The following ADGRL3 variants were observed in gnomAD, a reference collection of about 807,000 sequenced individuals.
ADGRL3 encodes calcium-independent alpha-latrotoxin receptor 3.
ADGRL3 carries 62 observed loss-of-function variants against 153.5 expected under a neutral mutation model. The observed-to-expected ratio is 0.40, with a 90% CI of 0.33 to 0.50. The LOEUF (loss-of-function observed/expected upper bound fraction) is 0.50, where lower values mean the gene tolerates loss of function less well. ADGRL3 is among the 20% of genes least tolerant of loss of function. The pLI is 0.47. For missense variants in ADGRL3, 1,641 were observed against 1,859.4 expected, an observed-to-expected ratio of 0.88 and a Z score of 2.16; for synonymous variants, 710 against 672.5, an observed-to-expected ratio of 1.06 and a Z score of -0.86.
At chr4:61,581,910 C>G (rs1463389650) in intron 4 of ADGRL3, among the ~76,000 whole-genome samples, 1 of 151,998 alleles carries the variant, frequency 6.6e-6, no homozygotes. Flanking sequence ...ACCATCTTTT[C>G]TTATCTTTAT....
chr4:61,346,307 C>T (rs1578365366), intron 1 of ADGRL3, among the ~76,000 whole-genome samples: 1 of 108,684 alleles, frequency 9.2e-6, no homozygotes, highest in Admixed American at 8.7e-5. Context: ...CTGTCACAGT[C>T]TACACACACA....
chr4:61,768,272 A>G lies in ADGRL3; in HGVS notation c.1399+34718A>G, dbSNP rs554109681. Among the ~76,000 whole-genome samples, 74 of 151,522 alleles carry G rather than the reference A, an allele frequency of 4.9e-4. 1 individual carries two copies. Among genetic ancestry groups the G allele is most frequent in the South Asian group, 1.3e-3 (6 of 4,750 alleles). On this transcript the variant is annotated intron_variant, in intron 8 of 26. Coordinates refer to ENST00000683033, the MANE Select transcript of ADGRL3 (RefSeq NM_001387552.1). Reference sequence around the variant, plus strand: ...CAGACCAGGTGTGAGGAGGGGAGGCAATAAAAAGATTACAGGGTGGAGGAG... The same window carrying G: ...CAGACCAGGTGTGAGGAGGGGAGGCGATAAAAAGATTACAGGGTGGAGGAG...
At chr4:61,872,200 T>C (rs1186400866) in intron 9 of ADGRL3, among the ~76,000 whole-genome samples, 3 of 152,240 alleles carry the variant, frequency 2.0e-5, no homozygotes, top group East Asian at 3.9e-4. Flanking sequence ...GATCATAGTG[T>C]GTGTCGGATG....
chr4:61,859,321 G>A (rs191182784), intron 9 of ADGRL3, among the ~76,000 whole-genome samples: 2 of 152,248 alleles, frequency 1.3e-5, no homozygotes, highest in African/African-American at 2.4e-5. Flanking sequence ...GAAGCTACAT[G>A]AAATACTTAG....
chr4:61,223,456 A>G lies in ADGRL3; in HGVS notation c.-240+21691A>G, dbSNP rs1746561039. On this transcript the variant is annotated intron_variant, in intron 1 of 26. Transcript: ENST00000683033. Reference sequence around the variant, plus strand: ...TCTTGTTTCAGTGACCTGAGGAATGAGAAGTGAAACAATACTCTCAGCTTC... The same window carrying G: ...TCTTGTTTCAGTGACCTGAGGAATGGGAAGTGAAACAATACTCTCAGCTTC... Among the ~76,000 whole-genome samples, 5 of 152,318 alleles carry G rather than the reference A, an allele frequency of 3.3e-5. No individual in the cohort carries two copies. The South Asian group carries it at 1.0e-3, about 32-fold the overall frequency.
intron 8 of ADGRL3, among the ~76,000 whole-genome samples, chr4:61,766,967 G>A (rs2096991082): frequency 6.6e-6 from 1 of 152,036 alleles, no homozygotes; most frequent in East Asian, 1.9e-4. Flanking sequence ...AGAGTTTATA[G>A]GCTTTAAAAG....
chr4:61,535,132 G>GT (rs1376675381), intron 4 of ADGRL3, among the ~76,000 whole-genome samples: 7 of 151,778 alleles, frequency 4.6e-5, no homozygotes, highest in African/African-American at 1.7e-4. Flanking sequence ...TTTGTTGAGG[G>GT]TTTTTTAAAA....
chr4:62,038,348 A>G (rs1213383649), intron 24 of ADGRL3, among the ~76,000 whole-genome samples: 3 of 152,222 alleles, frequency 2.0e-5, no homozygotes, highest in African/African-American at 7.2e-5. Flanking sequence ...GAATACTACA[A>G]CAGCATTATT....
At chr4:61,917,596 CA>C (rs1159008690) in intron 13 of ADGRL3, among the ~76,000 whole-genome samples, 2 of 152,192 alleles carry the variant, frequency 1.3e-5, no homozygotes, top group Non-Finnish European at 2.9e-5. Flanking sequence ...AGTTGCTCCA[CA>C]ACCTCACCAA....
intron 1 of ADGRL3, among the ~76,000 whole-genome samples, chr4:61,278,919 T>C (rs1464040607): frequency 1.3e-5 from 2 of 152,350 alleles, no homozygotes; most frequent in East Asian, 1.9e-4. Context: ...TAATTTTTAC[T>C]GTAGATTTTG....
At chr4:61,705,336 T>G (rs2095838645) in intron 6 of ADGRL3, among the ~76,000 whole-genome samples, 1 of 151,776 alleles carries the variant, frequency 6.6e-6, no homozygotes, top group African/African-American at 2.4e-5. Context: ...TTGAGGTGGC[T>G]AGGTATGTTC....
At chr4:61,769,831 C>T (rs1443017091) in intron 8 of ADGRL3, among the ~76,000 whole-genome samples, 2 of 151,908 alleles carry the variant, frequency 1.3e-5, no homozygotes, top group African/African-American at 4.8e-5. Flanking sequence ...AGGAAAAGGA[C>T]TTTCACAAGG....
intron 4 of ADGRL3, among the ~76,000 whole-genome samples, chr4:61,546,905 C>T (rs2098716300): frequency 6.6e-6 from 1 of 152,122 alleles, no homozygotes; most frequent in Non-Finnish European, 1.5e-5. Context: ...TTTTGTCTCA[C>T]TTTCATCTTG....
chr4:61,899,059 AC>A (rs1277066306), intron 11 of ADGRL3, among the ~76,000 whole-genome samples: 1 of 152,124 alleles, frequency 6.6e-6, no homozygotes, highest in African/African-American at 2.4e-5. Flanking sequence ...CACAGCTGCC[AC>A]CATTCACCTG....
At chr4:61,694,051 TA>T (rs1441184709) in intron 6 of ADGRL3, among the ~76,000 whole-genome samples, 1 of 152,116 alleles carries the variant, frequency 6.6e-6, no homozygotes. Flanking sequence ...ATACAGAGTG[TA>T]ATTCTCAAAA....
At chr4:61,771,585 T>A (rs2097087062) in intron 8 of ADGRL3, among the ~76,000 whole-genome samples, 1 of 152,164 alleles carries the variant, frequency 6.6e-6, no homozygotes, top group Admixed American at 6.5e-5. Context: ...CCTTTTCCTT[T>A]AATTAGTTAT....
At chr4:61,333,601 T>C (rs1428578889) in intron 1 of ADGRL3, among the ~76,000 whole-genome samples, 4 of 152,044 alleles carry the variant, frequency 2.6e-5, no homozygotes, top group African/African-American at 4.8e-5. Flanking sequence ...TATTTTTTTT[T>C]CTTTTGTTTT....
At chr4:61,255,142 G>T (rs10031378) in intron 1 of ADGRL3, among the ~76,000 whole-genome samples, 3,617 of 152,218 alleles carry the variant, frequency 0.024, 140 homozygotes, top group African/African-American at 0.08. Context: ...AAATTCATTT[G>T]TTGCTGACAG....
chr4:61,449,209 C>A (rs1211743904), intron 2 of ADGRL3, among the ~76,000 whole-genome samples: 1 of 151,944 alleles, frequency 6.6e-6, no homozygotes, highest in Non-Finnish European at 1.5e-5. Flanking sequence ...GATCCTGGCT[C>A]ACTGCAACCT....
Sources: gnomAD v4.1 joint callset for allele counts (sites outside exome capture counted in the v4.1 genomes callset) on GRCh38, gnomAD v4.1.1 for gene constraint, MANE v1.5 for transcripts, NCBI Gene and HGNC (gene_info 2026-07-23, HGNC 2026-07-21) for gene names.